HSPA4: variants seen among roughly 807,000 people sequenced by gnomAD.
HSPA4 encodes heat shock 70 kDa protein 4.
In HSPA4, 25 loss-of-function variants were observed where a neutral mutation model predicts 106.2. The ratio of observed to expected loss-of-function variants is 0.24; its 90% confidence interval spans 0.17 to 0.33. The LOEUF (loss-of-function observed/expected upper bound fraction) is 0.33. HSPA4 is among the 10% of genes least tolerant of loss of function. The pLI is 1.00. For synonymous variants in HSPA4, 332 were observed against 333.6 expected, an observed-to-expected ratio of 1.00 and a Z score of 0.05; for missense variants, 841 against 996.0, an observed-to-expected ratio of 0.84 and a Z score of 2.10.
rs762226351 is a variant in HSPA4, at chr5:133,086,791, T to A, written c.918T>A (p.Phe306Leu). Residue 306 changes from phenylalanine (F) to leucine (L), a missense_variant, in exon 8 of 19, where the codon TTT becomes TTA. This residue lies in a region of HSPA4 where 347 missense variants were observed against 408.7 expected (regional missense o/e 0.85). Coordinates refer to ENST00000304858, the MANE Select transcript of HSPA4 (RefSeq NM_002154.4). ...GTTTTGTTTTTTATAGAGGCAAATTTCTGGAGATGTGCAATGATCTCTTAG... is the reference window on the plus strand; with the variant it reads ...GTTTTGTTTTTTATAGAGGCAAATTACTGGAGATGTGCAATGATCTCTTAG... ...DVSGTMNRGK[F>L]LEMCNDLLAR... The A allele has an allele frequency of 6.2e-7, 1 of 1,613,140 alleles. No homozygotes were observed. The highest frequency in any genetic ancestry group is 1.1e-5 in the South Asian group (1 of 91,048).
chr5:133,089,964 T>A (rs1394193940), intron 11 of HSPA4, among the ~76,000 whole-genome samples: 1 of 152,190 alleles, frequency 6.6e-6, no homozygotes, highest in Non-Finnish European at 1.5e-5. Context: ...CCTCTTCCAG[T>A]CTCGTTAGCA....
At chr5:133,078,744 A>G (rs1717009139) in intron 7 of HSPA4, among the ~76,000 whole-genome samples, 1 of 146,846 alleles carries the variant, frequency 6.8e-6, no homozygotes, top group South Asian at 2.2e-4. Flanking sequence ...TGTTGTTGTT[A>G]TTTTTTTGAG....
chr5:133,067,838 T>C (rs566123073), intron 3 of HSPA4, among the ~76,000 whole-genome samples: 1 of 152,222 alleles, frequency 6.6e-6, no homozygotes, highest in South Asian at 2.1e-4. Flanking sequence ...TGCAGTGGGC[T>C]TTTTAGCATG....
At chr5:133,055,832 C>T (rs1457661447) in intron 1 of HSPA4, among the ~76,000 whole-genome samples, 2 of 152,120 alleles carry the variant, frequency 1.3e-5, no homozygotes, top group Admixed American at 1.3e-4. Context: ...AATCCCAGCA[C>T]TCTGGGAGGC....
intron 12 of HSPA4, among the ~76,000 whole-genome samples, chr5:133,092,238 C>T (rs564900124): frequency 3.9e-5 from 6 of 152,284 alleles, no homozygotes; most frequent in East Asian, 3.9e-4. Context: ...GTAATTTTAA[C>T]GTGTTCGCCT....
intron 13 of HSPA4, among the ~76,000 whole-genome samples, chr5:133,095,448 A>G (rs1307067442): frequency 6.6e-6 from 1 of 152,226 alleles, no homozygotes; most frequent in African/African-American, 2.4e-5. Flanking sequence ...AAAGGTTAAA[A>G]GAAACTCATA....
intron 15 of HSPA4, among the ~76,000 whole-genome samples, chr5:133,097,913 T>G (rs111691227): frequency 0.016 from 2,365 of 144,892 alleles, 31 homozygotes; most frequent in Middle Eastern, 0.038. Flanking sequence ...AATTTTTAGT[T>G]TTTTTTTTTT....
chr5:133,088,596 T>C, intron 9 of HSPA4, 41 bp downstream of exon 9: 3 of 1,553,856 alleles, frequency 1.9e-6, no homozygotes, highest in Non-Finnish European at 1.8e-6. Flanking sequence ...TTATAAATCA[T>C]TGTAACAAGA....
chr5:133,093,044 A>C (rs1397914000), intron 13 of HSPA4, among the ~76,000 whole-genome samples: 1 of 147,702 alleles, frequency 6.8e-6, no homozygotes, highest in African/African-American at 2.5e-5. Context: ...TTGGCTAGGC[A>C]GGTCTCGAAC....
chr5:133,068,369 G>T (rs1765337901), intron 3 of HSPA4, among the ~76,000 whole-genome samples: 1 of 151,988 alleles, frequency 6.6e-6, no homozygotes, highest in African/African-American at 2.4e-5. Context: ...AAGAGGCTGG[G>T]AGATGGATAG....
chr5:133,089,414 G>C, intron 10 of HSPA4, 148 bp from the exon 11 acceptor site: 1 of 712,114 alleles, frequency 1.4e-6, no homozygotes, highest in African/African-American at 1.8e-5. Flanking sequence ...TATATATAAA[G>C]ATTCTTGGGA....
In HSPA4 at chr5:133,103,988, C is replaced by G; in HGVS notation, c.2281C>G (p.Pro761Ala). The G allele has an allele frequency of 6.2e-7, 1 of 1,613,524 alleles. No individual in the cohort carries two copies. Among genetic ancestry groups the G allele is most frequent in the Non-Finnish European group, 8.5e-7 (1 of 1,179,830 alleles). ...GAACAAGCAGAGTTTGACCATGGATCCAGTTGTCAAGTCAAAAGAGATTGA... is the reference window on the plus strand; with the variant it reads ...GAACAAGCAGAGTTTGACCATGGATGCAGTTGTCAAGTCAAAAGAGATTGA... ...LQNKQSLTMD[P>A]VVKSKEIEAK... Residue 761 changes from proline to alanine, a missense_variant, in exon 18 of 19, where the codon CCA becomes GCA. Coordinates refer to ENST00000304858, the MANE Select transcript of HSPA4 (RefSeq NM_002154.4).
Position 133,106,447 on chromosome 5 carries a change from G to C in HSPA4, c.*2011G>C, listed in dbSNP as rs572700286. On this transcript the variant is annotated 3_prime_UTR_variant, in exon 19 of 19. Transcript: ENST00000304858. ...AATAAAATAAACCTGTCTTAAACTTGAATGGTTTCCTTAATTCCATAATGA... is the reference window on the plus strand; with the variant it reads ...AATAAAATAAACCTGTCTTAAACTTCAATGGTTTCCTTAATTCCATAATGA... 1.4e-5 allele frequency: 2 copies of C among 146,022 alleles called. No homozygotes were observed. The highest frequency in any genetic ancestry group is 4.5e-4 in the South Asian group (2 of 4,440). 9.0% of individuals were successfully genotyped at this position (146,022 alleles called of 1,614,324 possible).
rs1331796243 is a variant in HSPA4, at chr5:133,104,409, G to A, written c.2496G>A (p.Lys832=). 6.2e-7 allele frequency: 1 copy of A among 1,614,154 alleles called. No individual in the cohort carries two copies. The change falls in exon 19 of 19, where the codon AAG becomes AAA. Residue 832 remains lysine (K), a synonymous_variant. Coordinates refer to ENST00000304858, the MANE Select transcript of HSPA4 (RefSeq NM_002154.4). Reference sequence around the variant, plus strand: ...CAGCTGTGCCTTCGGATTCAGACAAGAAGCTTCCTGAAATGGACATTGATT... The same window carrying A: ...CAGCTGTGCCTTCGGATTCAGACAAAAAGCTTCCTGAAATGGACATTGATT... ...TDTAVPSDSD[K]KLPEMDID
intron 7 of HSPA4, among the ~76,000 whole-genome samples, chr5:133,086,419 TATTC>T (rs1474916568): frequency 6.6e-6 from 1 of 152,270 alleles, no homozygotes; most frequent in Non-Finnish European, 1.5e-5. Flanking sequence ...CCTCTTATTG[TATTC>T]ATTCATTTGT....
At chr5:133,091,671 A>G (rs1260522794) in intron 12 of HSPA4, among the ~76,000 whole-genome samples, 1 of 152,218 alleles carries the variant, frequency 6.6e-6, no homozygotes, top group Non-Finnish European at 1.5e-5. Flanking sequence ...TATTTTCAAA[A>G]GTAGAATTGA....
At chr5:133,055,307 A>ATTTTTTTTTTTTTTTTTTTTTT (rs397999293) in intron 1 of HSPA4, among the ~76,000 whole-genome samples, 4 of 60,106 alleles carry the variant, frequency 6.7e-5, no homozygotes, top group Non-Finnish European at 9.4e-5. Flanking sequence ...AGGAAGGTTG[A>ATTTTTTTTTTTTTTTTTTTTTT]TTTTTTTTTT....
At chr5:133,058,762 G>A (rs950515935) in intron 1 of HSPA4, among the ~76,000 whole-genome samples, 1 of 152,082 alleles carries the variant, frequency 6.6e-6, no homozygotes, top group Admixed American at 6.6e-5. Flanking sequence ...GGAGGCCGAG[G>A]TGGGGGGATC....
chr5:133,066,679 T>C (rs551085885), intron 2 of HSPA4, among the ~76,000 whole-genome samples: 1 of 152,170 alleles, frequency 6.6e-6, no homozygotes, highest in African/African-American at 2.4e-5. Flanking sequence ...AGTATGATTT[T>C]TTTTTTCCCC....
Sources: allele counts gnomAD v4.1 joint callset (sites outside exome capture counted in the v4.1 genomes callset), GRCh38; gene constraint gnomAD v4.1.1; regional missense constraint gnomAD v4.1.1; transcripts MANE v1.5; gene names NCBI Gene and HGNC (gene_info 2026-07-23, HGNC 2026-07-21).